Variants in USP42 observed in about 807,000 individuals in gnomAD.
USP42 encodes the protein ubiquitin carboxyl-terminal hydrolase 42.
In USP42, 23 loss-of-function variants were observed where a neutral mutation model predicts 113.0. The ratio of observed to expected loss-of-function variants is 0.20; its 90% CI spans 0.15 to 0.29. USP42 has a LOEUF of 0.29. Ranked by LOEUF, USP42 falls within the 10% of genes least tolerant of loss-of-function variation. The pLI, the probability that USP42 is intolerant of heterozygous loss-of-function variation, is 1.00. For synonymous variants in USP42, 933 were observed against 699.0 expected, an observed-to-expected ratio of 1.33 and a Z score of -5.28; for missense variants, 2,174 against 1,779.8, an observed-to-expected ratio of 1.22 and a Z score of -3.99.
chr7:6,120,923 A>G (rs1369252116), intron 3 of USP42, among the ~76,000 whole-genome samples: 2 of 152,108 alleles, frequency 1.3e-5, no homozygotes, highest in Admixed American at 6.6e-5. Context: ...AGGGTATTTT[A>G]TTTTTAAAAT....
intron 15 of USP42, among the ~76,000 whole-genome samples, chr7:6,155,898 G>A (rs10261336): frequency 0.18 from 26,962 of 152,094 alleles, 3,654 homozygotes; most frequent in East Asian, 0.47. Flanking sequence ...AGCCGGGACT[G>A]CAGGCGTGTG....
At chr7:6,151,478 A>G (rs1457064280) in intron 14 of USP42, among the ~76,000 whole-genome samples, 2 of 151,572 alleles carry the variant, frequency 1.3e-5, no homozygotes, top group African/African-American at 4.9e-5. Flanking sequence ...TCGCTGTGTC[A>G]CCAGGCTGGA....
chr7:6,135,502 A>C (rs1393623970), intron 3 of USP42, among the ~76,000 whole-genome samples: 1 of 151,776 alleles, frequency 6.6e-6, no homozygotes. Context: ...ACAAAAAAAA[A>C]TTAGCCAGGC....
Position 6,153,903 on chromosome 7 carries a change from C to T in USP42, c.2349C>T (p.Thr783=). The change falls in exon 15 of 18, where the codon ACC becomes ACT. Residue 783 remains threonine, a synonymous_variant. Coordinates refer to ENST00000306177, the MANE Select transcript of USP42 (RefSeq NM_032172.3). ...CTCCGCCGCCCCGCGATCCCGGCAC[C>T]CCCGCTACCAAAGAAGGCGCCTGGG... The part of the protein sequence containing the change: ...KKAPPPRDPG[T]PATKEGAWEA... 1 of 1,592,976 alleles carries T rather than the reference C, an allele frequency of 6.3e-7. No individual in the cohort carries two copies. The highest frequency in any genetic ancestry group is 8.5e-7 in the Non-Finnish European group (1 of 1,171,922).
chr7:6,142,526 CT>C (rs1213330403), intron 7 of USP42, among the ~76,000 whole-genome samples: 1 of 152,076 alleles, frequency 6.6e-6, no homozygotes, highest in Non-Finnish European at 1.5e-5. Flanking sequence ...GGAAAATTTT[CT>C]TTTTACATAA....
intron 1 of USP42, among the ~76,000 whole-genome samples, chr7:6,110,586 G>C (rs776147745): frequency 6.6e-6 from 1 of 152,046 alleles, no homozygotes; most frequent in Non-Finnish European, 1.5e-5. Flanking sequence ...TTAAAGGTGA[G>C]ATCTCTATAA....
upstream of USP42, among the ~76,000 whole-genome samples, chr7:6,100,252 A>G (rs1195521389): frequency 1.3e-5 from 2 of 150,826 alleles, no homozygotes; most frequent in Non-Finnish European, 2.9e-5. Context: ...AGCCCTAACT[A>G]GTCCCCCTAG....
intron 12 of USP42, 106 bp downstream of exon 12, chr7:6,147,998 A>G: frequency 8.4e-7 from 1 of 1,194,224 alleles, no homozygotes; most frequent in East Asian, 2.5e-5. Context: ...ATACATCTGA[A>G]TTTCTTCTCA....
chr7:6,160,000 GGGC>G lies in USP42; in HGVS notation c.*36+511_*36+513del, dbSNP rs1362259953. On this transcript the variant is annotated intron_variant, in intron 17 of 17. Transcript: ENST00000306177. The surrounding 1 kb of genome is among the most constrained non-coding windows in gnomAD (Gnocchi z 4.1). ...AACCATAGGAAGGTGGCCCAGGGCC[GGGC>G]GGCAGATCAGGACCTCGGAGCTGTG... is the stretch of plus-strand genomic sequence containing the variant. Among the ~76,000 whole-genome samples the G allele has an allele frequency of 4.6e-5, 7 of 152,348 alleles. No homozygotes were observed. The highest frequency in any genetic ancestry group is 1.4e-4 in the African/African-American group (6 of 41,584).
At chr7:6,142,250 T>C (rs1057240908) in intron 7 of USP42, among the ~76,000 whole-genome samples, 4 of 150,710 alleles carry the variant, frequency 2.7e-5, no homozygotes, top group South Asian at 2.1e-4. Flanking sequence ...GGAGTCCTGC[T>C]CTGTCACCCA....
At chr7:6,112,378 G>A (rs1288798871) in intron 2 of USP42, among the ~76,000 whole-genome samples, 2 of 152,106 alleles carry the variant, frequency 1.3e-5, no homozygotes, top group African/African-American at 4.8e-5. Flanking sequence ...GAACCTGGGA[G>A]GCAGAGGTTG....
intron 4 of USP42, among the ~76,000 whole-genome samples, chr7:6,137,115 A>C (rs1781192274): frequency 6.6e-6 from 1 of 152,234 alleles, no homozygotes; most frequent in Non-Finnish European, 1.5e-5. Flanking sequence ...TAAAAAATGC[A>C]TACAAACAAA....
intron 14 of USP42, among the ~76,000 whole-genome samples, chr7:6,150,875 TGAA>T (rs1394143932): frequency 1.3e-5 from 2 of 152,280 alleles, no homozygotes; most frequent in East Asian, 3.9e-4. Flanking sequence ...CTCAGTCCTG[TGAA>T]GAAGCACATA....
At chr7:6,098,738 G>T in the USP42 span, among the ~76,000 whole-genome samples, 1 of 150,010 alleles carries the variant, frequency 6.7e-6, no homozygotes, top group East Asian at 1.9e-4. Context: ...TAGAGACGGG[G>T]TTTCACCATG....
intron 17 of USP42, among the ~76,000 whole-genome samples, 168 bp from the exon 18 acceptor site, chr7:6,160,387 G>A (rs559089237): frequency 6.6e-6 from 1 of 151,660 alleles, no homozygotes; most frequent in East Asian, 1.9e-4. Flanking sequence ...TGAGCTGCCC[G>A]CACCGCCAGT....
At chr7:6,160,004 G>A (rs886675) in intron 17 of USP42, among the ~76,000 whole-genome samples, 63,224 of 152,136 alleles carry the variant, frequency 0.42, 16,080 homozygotes, top group African/African-American at 0.7. Context: ...AGGGCCGGGC[G>A]GCAGATCAGG....
At chr7:6,152,989 G>A (rs796613341) in intron 14 of USP42, 3 of 984,852 alleles carry the variant, frequency 3.0e-6, no homozygotes, top group Non-Finnish European at 3.6e-6. Context: ...GAGGAATTGC[G>A]GCCAGGCGCG....
At chr7:6,153,719 A>G (rs1341618200) in intron 14 of USP42, 37 bp from the exon 15 acceptor site, 14 of 1,427,960 alleles carry the variant, frequency 9.8e-6, no homozygotes, top group African/African-American at 1.5e-5. Context: ...TGTCAAGCCC[A>G]CGCTAACGGG....
upstream of USP42, among the ~76,000 whole-genome samples, chr7:6,103,993 A>G (rs1416897962): frequency 6.6e-6 from 1 of 151,008 alleles, no homozygotes; most frequent in Non-Finnish European, 1.5e-5. Context: ...CTAAGACAGG[A>G]ACATCGCTTG....
Sources: allele counts gnomAD v4.1 joint callset (sites outside exome capture counted in the v4.1 genomes callset), GRCh38; gene constraint gnomAD v4.1.1; non-coding constraint Gnocchi (gnomAD v3.1); transcripts MANE v1.5; gene names NCBI Gene and HGNC (gene_info 2026-07-23, HGNC 2026-07-21).